PRKD3: variants seen among roughly 807,000 people sequenced by gnomAD.
The protein encoded by PRKD3 is protein kinase D3.
In PRKD3, 47 loss-of-function variants were observed where a neutral mutation model predicts 99.2. The ratio of observed to expected loss-of-function variants is 0.47; its 90% confidence interval spans 0.38 to 0.60. PRKD3 has a LOEUF of 0.60. PRKD3 is among the 20% of genes least tolerant of loss of function. PRKD3 has a pLI of 0.00. For missense variants in PRKD3, 1,019 were observed against 1,088.4 expected, an observed-to-expected ratio of 0.94 and a Z score of 0.90; for synonymous variants, 392 against 355.4, an observed-to-expected ratio of 1.10 and a Z score of -1.16.
intron 5 of PRKD3, 97 bp from the exon 6 acceptor site, chr2:37,286,466 A>C: frequency 9.6e-7 from 1 of 1,038,608 alleles, no homozygotes; most frequent in Non-Finnish European, 1.4e-6. Context: ...TCAAACACTA[A>C]AGCCAAAAAA....
chr2:37,295,996 C>A (rs746662215), intron 2 of PRKD3, among the ~76,000 whole-genome samples: 3 of 151,630 alleles, frequency 2.0e-5, no homozygotes, highest in African/African-American at 7.3e-5. Flanking sequence ...CCAGAAACTA[C>A]AGCAAGTAAA....
Position 37,269,858 on chromosome 2 carries a change from GTT to G in PRKD3, c.1705-173_1705-172del, listed in dbSNP as rs570478198. Among the ~76,000 whole-genome samples the G allele has an allele frequency of 2.5e-3, 385 of 152,304 alleles. 1 individual carries two copies. The highest frequency in any genetic ancestry group is 8.9e-3 in the African/African-American group (370 of 41,560). On this transcript the variant is annotated intron_variant, in intron 12 of 18. Transcript: ENST00000234179. ...CAGGCTTTCTATGTTCTAATAAGAGGTTAAGCCCAAATTTTATGTGCAAGTAT... is the reference window on the plus strand; with the variant it reads ...CAGGCTTTCTATGTTCTAATAAGAGGAAGCCCAAATTTTATGTGCAAGTAT...
chr2:37,283,281 CAGCAACTCTTA>C (rs1669938771), intron 6 of PRKD3, among the ~76,000 whole-genome samples: 1 of 152,170 alleles, frequency 6.6e-6, no homozygotes, highest in Non-Finnish European at 1.5e-5. Flanking sequence ...CCTACTATAT[CAGCAACTCTTA>C]GCGGGTGGGG....
Position 37,275,867 on chromosome 2 carries a change from CTG to C in PRKD3, c.1297-25_1297-24del, listed in dbSNP as rs1364141266. ...TCTCTATAAAATGAAGATTGGAAAA[CTG>C]TGAGGTTCAAAAATGATTCCTCCAA... On this transcript the variant is annotated intron_variant, in intron 9 of 18. Transcript: ENST00000234179. 3.8e-6 allele frequency: 6 copies of C among 1,595,886 alleles called. No individual in the cohort carries two copies. In the African/African-American group the frequency reaches 5.4e-5, roughly 14 times the overall value.
chr2:37,256,879 G>A lies in PRKD3; in HGVS notation c.2196C>T (p.Phe732=). 1 of 1,613,914 alleles carries A rather than the reference G, an allele frequency of 6.2e-7. No individual in the cohort carries two copies. The highest frequency in any genetic ancestry group is 1.1e-5 in the South Asian group (1 of 91,074). The change falls in exon 17 of 19, where the codon TTC becomes TTT. Residue 732 remains phenylalanine (F), a synonymous_variant. Coordinates refer to ENST00000234179, the MANE Select transcript of PRKD3 (RefSeq NM_005813.6). ...GFARIIGEKS[F]RRSVVGTPAY... is the part of the protein sequence containing the mutation. ...CTGGAGTTCCTACCACAGATCTCCT[G>A]AATGACTTTTCACCAATGATGCGTG... is the stretch of plus-strand genomic sequence containing the variant.
intron 3 of PRKD3, 29 bp from the exon 4 acceptor site, chr2:37,291,028 CGTT>C (rs776765400): frequency 6.4e-6 from 10 of 1,573,400 alleles, no homozygotes; most frequent in Admixed American, 3.7e-5. Flanking sequence ...TTACAATACA[CGTT>C]GTATTTGTAC....
chr2:37,308,680 C>T (rs2124886451), intron 2 of PRKD3, among the ~76,000 whole-genome samples: 1 of 152,300 alleles, frequency 6.6e-6, no homozygotes, highest in South Asian at 2.1e-4. Context: ...GTCTCAAACT[C>T]CTGACCTCAG....
chr2:37,323,079 T>G (rs1671953171), intron 1 of PRKD3, among the ~76,000 whole-genome samples: 1 of 149,946 alleles, frequency 6.7e-6, no homozygotes, highest in Non-Finnish European at 1.5e-5. Flanking sequence ...TAAAAAAATG[T>G]AATATCAGAA....
Position 37,293,215 on chromosome 2 carries a change from G to T in PRKD3, c.345C>A (p.Asp115Glu). Residue 115 changes from aspartate to glutamate, a missense_variant, in exon 3 of 19, where the codon GAC (aspartate) becomes GAA (glutamate). Transcript: ENST00000234179. ...GCTGCAAAATGTTTTCTGAGTTCATGTCATGGCGAAAGAGAAGAATTTTGT... is the reference window on the plus strand; with the variant it reads ...GCTGCAAAATGTTTTCTGAGTTCATTTCATGGCGAAAGAGAAGAATTTTGT... Reference protein sequence around the residue: ...MYDKILLFRHDMNSENILQLI... With the variant: ...MYDKILLFRHEMNSENILQLI... The T allele has an allele frequency of 6.2e-7, 1 of 1,604,510 alleles. No individual in the cohort carries two copies. The highest frequency in any genetic ancestry group is 8.5e-7 in the Non-Finnish European group (1 of 1,172,762).
intron 12 of PRKD3, among the ~76,000 whole-genome samples, chr2:37,271,586 G>A (rs1237317132): frequency 6.6e-6 from 1 of 152,200 alleles, no homozygotes; most frequent in Admixed American, 6.5e-5. Context: ...TGAGCAGCAG[G>A]TTAGCAAGCA....
At position 37,293,033 on chromosome 2, in the gene PRKD3, A is replaced by G. The variant is rs1415534573; in HGVS notation, c.427+100T>C. On this transcript the variant is annotated intron_variant, in intron 3 of 18. Transcript: ENST00000234179. ...TAGAGATGAAAGAAATTAAGTAACA[A>G]TAATACAAAGACTAAATATAATCGA... is the stretch of plus-strand genomic sequence containing the variant. 8.9e-6 allele frequency: 11 copies of G among 1,239,824 alleles called. No individual in the cohort carries two copies. In the Admixed American group the frequency reaches 2.5e-4, roughly 28 times the overall value. 76.8% of individuals were successfully genotyped at this position (1,239,824 alleles called of 1,614,324 possible).
intron 3 of PRKD3, among the ~76,000 whole-genome samples, chr2:37,292,147 C>T (rs544666740): frequency 1.3e-5 from 2 of 152,116 alleles, no homozygotes; most frequent in South Asian, 4.2e-4. Flanking sequence ...TTCTTTTTTT[C>T]CTGATTCTCT....
chr2:37,301,209 T>C (rs1670909961), intron 2 of PRKD3, among the ~76,000 whole-genome samples: 1 of 152,130 alleles, frequency 6.6e-6, no homozygotes, highest in Non-Finnish European at 1.5e-5. Context: ...GAACAACATA[T>C]CAAAAAACCA....
At position 37,324,355 on chromosome 2, in the gene PRKD3, A is replaced by G. The variant is rs1439486262; in HGVS notation, c.-656+326T>C. On this transcript the variant is annotated intron_variant, in intron 1 of 18. Coordinates refer to ENST00000234179, the MANE Select transcript of PRKD3 (RefSeq NM_005813.6). ...GGCCGGGCGCGGTGGTCTCCAGCGG[A>G]GCGCGAACCCAAGTTGCCCTCCGCG... The G allele has an allele frequency of 5.1e-5, 19 of 375,030 alleles. 1 individual carries two copies. Among genetic ancestry groups the G allele is most frequent in the Admixed American group, 4.5e-4 (7 of 15,496 alleles). 23.2% of individuals were successfully genotyped at this position (375,030 alleles called of 1,614,324 possible).
chr2:37,312,505 C>T (rs1188027852), intron 2 of PRKD3, among the ~76,000 whole-genome samples: 2 of 152,304 alleles, frequency 1.3e-5, no homozygotes, highest in East Asian at 3.9e-4. Context: ...TGTTCCAGCT[C>T]TTATAGTGTA....
chr2:37,261,250 G>A (rs1668415451), intron 14 of PRKD3, among the ~76,000 whole-genome samples: 1 of 152,160 alleles, frequency 6.6e-6, no homozygotes. Flanking sequence ...ACTTTGGGAA[G>A]CCGAGGCAGG....
chr2:37,269,046 T>C (rs1020458914), intron 13 of PRKD3: 2 of 153,714 alleles, frequency 1.3e-5, no homozygotes, highest in African/African-American at 4.8e-5. Flanking sequence ...AACATTTCTT[T>C]CTTAGTACCT....
At chr2:37,261,141 A>G (rs949671556) in intron 14 of PRKD3, among the ~76,000 whole-genome samples, 3 of 152,160 alleles carry the variant, frequency 2.0e-5, no homozygotes, top group African/African-American at 7.2e-5. Context: ...ATTTAATCTT[A>G]AATATGTTCT....
intron 2 of PRKD3, among the ~76,000 whole-genome samples, chr2:37,296,116 A>C (rs1378423929): frequency 6.6e-6 from 1 of 152,188 alleles, no homozygotes; most frequent in East Asian, 1.9e-4. Flanking sequence ...AGACAAGGAA[A>C]TTTCTCTCCA....
Sources: allele counts gnomAD v4.1 joint callset (sites outside exome capture counted in the v4.1 genomes callset), GRCh38; gene constraint gnomAD v4.1.1; transcripts MANE v1.5; gene names NCBI Gene and HGNC (gene_info 2026-07-23, HGNC 2026-07-21).